ZC3H13: variants seen among roughly 807,000 people sequenced by gnomAD.
The protein encoded by ZC3H13 is zinc finger CCCH-type containing 13.
Under a neutral mutation model 204.1 loss-of-function variants are expected in ZC3H13, and 64 were observed. The observed-to-expected ratio is 0.31, with a 90% CI of 0.26 to 0.39. The LOEUF (loss-of-function observed/expected upper bound fraction) is 0.39, where lower values mean the gene tolerates loss of function less well. Ranked by LOEUF, ZC3H13 falls within the 10% of genes least tolerant of loss-of-function variation. The pLI, the probability that ZC3H13 is intolerant of heterozygous loss-of-function variation, is 1.00. For missense variants in ZC3H13, 1,833 were observed against 2,082.7 expected, an observed-to-expected ratio of 0.88 and a Z score of 2.33; for synonymous variants, 667 against 693.7, an observed-to-expected ratio of 0.96 and a Z score of 0.60.
Position 45,962,741 on chromosome 13 carries a change from T to C in ZC3H13, c.4675+1101A>G, listed in dbSNP as rs1278249345. Reference sequence around the variant, plus strand: ...TATTTTGTATTAGTGAAAAATTTAATACTAACTAAACTTTTATGTCCAGGG... The same window carrying C: ...TATTTTGTATTAGTGAAAAATTTAACACTAACTAAACTTTTATGTCCAGGG... On this transcript the variant is annotated intron_variant, in intron 17 of 18. Coordinates refer to ENST00000679008, the MANE Select transcript of ZC3H13 (RefSeq NM_001330564.2). 8 of 985,062 alleles carry C rather than the reference T, an allele frequency of 8.1e-6. No individual in the cohort carries two copies. The Admixed American group carries it at 4.9e-4, about 61-fold the overall frequency. 61.0% of individuals were successfully genotyped at this position (985,062 alleles called of 1,614,324 possible).
In ZC3H13 at chr13:45,970,536, A is replaced by C. The variant is rs1458513475; in HGVS notation, c.2469-71T>G. The C allele has an allele frequency of 2.5e-5, 33 of 1,295,702 alleles. No homozygotes were observed. In the East Asian group the frequency reaches 7.6e-4, roughly 30 times the overall value. 80.3% of individuals were successfully genotyped at this position (1,295,702 alleles called of 1,614,324 possible). On this transcript the variant is annotated intron_variant, in intron 12 of 18. Coordinates refer to ENST00000679008, the MANE Select transcript of ZC3H13 (RefSeq NM_001330564.2). Reference sequence around the variant, plus strand: ...AAAAAGAGATTTTTTTGTTTTTACTAGTATCTCTTTACTATAACTGGAACA... The same window carrying C: ...AAAAAGAGATTTTTTTGTTTTTACTCGTATCTCTTTACTATAACTGGAACA...
chr13:45,983,296 T>A (rs894079002), intron 10 of ZC3H13, among the ~76,000 whole-genome samples: 2 of 147,678 alleles, frequency 1.4e-5, no homozygotes, highest in African/African-American at 5.1e-5. Context: ...ACTTAATCCT[T>A]AACACAATAA....
chr13:46,032,383 A>G (rs1027798364), intron 4 of ZC3H13, among the ~76,000 whole-genome samples: 54 of 149,496 alleles, frequency 3.6e-4, no homozygotes, highest in Non-Finnish European at 5.2e-4. Flanking sequence ...AAAAAAACAG[A>G]GAAAATGGGC....
intron 6 of ZC3H13, 119 bp from the exon 7 acceptor site, chr13:46,010,624 A>G (rs1364434832): frequency 9.4e-6 from 10 of 1,064,128 alleles, no homozygotes; most frequent in African/African-American, 4.8e-5. Context: ...TGCCGGGTGC[A>G]GTGGTTCACA....
intron 8 of ZC3H13, among the ~76,000 whole-genome samples, chr13:45,997,076 C>CT (rs2040394977): frequency 6.6e-6 from 1 of 152,132 alleles, no homozygotes; most frequent in African/African-American, 2.4e-5. Flanking sequence ...TCTGAAAGCA[C>CT]AGTAATAAAT....
Position 45,985,776 on chromosome 13 carries a change from T to C in ZC3H13, c.1256-15A>G, listed in dbSNP as rs1287118166. ...GCCCCTAGTATCTGTAATGCAATTT[T>C]GGAAATTGACTGTAATTGCTTTTAC... On this transcript the variant is annotated splice_polypyrimidine_tract_variant and intron_variant, in intron 9 of 18. Coordinates refer to ENST00000679008, the MANE Select transcript of ZC3H13 (RefSeq NM_001330564.2). 6.4e-7 allele frequency: 1 copy of C among 1,570,424 alleles called. No individual in the cohort carries two copies. The highest frequency in any genetic ancestry group is 8.6e-7 in the Non-Finnish European group (1 of 1,162,602).
At chr13:46,045,601 A>G in intron 1 of ZC3H13, 85 bp from the exon 2 acceptor site, 1 of 893,766 alleles carries the variant, frequency 1.1e-6, no homozygotes, top group East Asian at 2.4e-5. Flanking sequence ...AGATAAAACT[A>G]TAGGTAACAG....
At chr13:45,991,998 A>G (rs940143788) in intron 8 of ZC3H13, among the ~76,000 whole-genome samples, 10 of 152,334 alleles carry the variant, frequency 6.6e-5, no homozygotes, top group Admixed American at 1.3e-4. Context: ...TAGTAACACC[A>G]ATGTTTCTTT....
At chr13:45,972,910 G>A (rs1952705751) in intron 12 of ZC3H13, among the ~76,000 whole-genome samples, 1 of 152,194 alleles carries the variant, frequency 6.6e-6, no homozygotes, top group South Asian at 2.1e-4. Context: ...GAAGGCCAGG[G>A]GGTCAAGTGG....
intron 16 of ZC3H13, among the ~76,000 whole-genome samples, chr13:45,965,018 A>T (rs1375905570): frequency 1.3e-5 from 2 of 152,198 alleles, no homozygotes; most frequent in African/African-American, 4.8e-5. Flanking sequence ...GTCATATAAT[A>T]TGATTCTTAA....
intron 5 of ZC3H13, among the ~76,000 whole-genome samples, chr13:46,014,541 T>A (rs1207543471): frequency 3.9e-5 from 6 of 152,240 alleles, no homozygotes; most frequent in Middle Eastern, 3.2e-3. Context: ...CTTTTTCCAA[T>A]GAGTTAGTAT....
intron 17 of ZC3H13, among the ~76,000 whole-genome samples, chr13:45,961,243 A>G (rs1383354686): frequency 2.0e-5 from 3 of 152,038 alleles, no homozygotes; most frequent in Non-Finnish European, 4.4e-5. Flanking sequence ...TCCACTACAG[A>G]TATAATATAA....
rs150295555 is a variant in ZC3H13, at chr13:46,019,380, C to A, written c.448+1069G>T. 3.4e-3 allele frequency among the ~76,000 whole-genome samples: 511 copies of A among 152,190 alleles called. 1 individual carries two copies. The highest frequency in any genetic ancestry group is 4.5e-3 in the Non-Finnish European group (306 of 68,008). On this transcript the variant is annotated intron_variant, in intron 5 of 18. Transcript: ENST00000679008. ...TTTTTTTGCAAAAACCAGTGACTGG[C>A]CCACACACTCTAGTTTTCTAATCCC...
intron 12 of ZC3H13, among the ~76,000 whole-genome samples, chr13:45,972,079 G>GA (rs1287640772): frequency 6.6e-6 from 1 of 151,790 alleles, no homozygotes; most frequent in African/African-American, 2.4e-5. Context: ...CAACCTCTAT[G>GA]AAAAACAGTA....
Position 45,956,422 on chromosome 13 carries a change from G to A in ZC3H13, c.*705C>T, listed in dbSNP as rs1020399352. 2.0e-5 allele frequency: 3 copies of A among 151,974 alleles called. No homozygotes were observed. The highest frequency in any genetic ancestry group is 6.6e-5 in the Admixed American group (1 of 15,234). 9.4% of individuals were successfully genotyped at this position (151,974 alleles called of 1,614,324 possible). On this transcript the variant is annotated 3_prime_UTR_variant, in exon 19 of 19. Transcript: ENST00000679008. Reference sequence around the variant, plus strand: ...CTAGATCATCAGGAATAAGATTAACGAAGAGCAAAGTAAATCTAAAACAAG... The same window carrying A: ...CTAGATCATCAGGAATAAGATTAACAAAGAGCAAAGTAAATCTAAAACAAG...
At chr13:46,051,036 T>C (rs954095515) in intron 1 of ZC3H13, among the ~76,000 whole-genome samples, 2 of 152,184 alleles carry the variant, frequency 1.3e-5, no homozygotes, top group African/African-American at 4.8e-5. Flanking sequence ...AAGACTATCA[T>C]CCACTGAAAA....
In ZC3H13 at chr13:45,957,055, C is replaced by T; in HGVS notation, c.*72G>A. ...CCTTTGTCACTAATGCTTGTCAAAC[C>T]AAAGAACTTTGCAAAAGAATATGCA... On this transcript the variant is annotated 3_prime_UTR_variant, in exon 19 of 19. Transcript: ENST00000679008. 3 of 1,260,418 alleles carry T rather than the reference C, an allele frequency of 2.4e-6. No homozygotes were observed. The highest frequency in any genetic ancestry group is 3.1e-6 in the Non-Finnish European group (3 of 982,342). The allele number at this position is 1,260,418 out of a possible 1,614,324, so 78.1% of individuals were successfully genotyped here. A position where few individuals can be genotyped will look rare whatever the true frequency, so the allele number is the denominator to read the frequency against.
intron 4 of ZC3H13, among the ~76,000 whole-genome samples, chr13:46,022,842 G>C (rs1450184296): frequency 1.3e-5 from 2 of 151,690 alleles, no homozygotes; most frequent in East Asian, 1.9e-4. Flanking sequence ...TTCACCACTT[G>C]TATAAAAACT....
intron 17 of ZC3H13, chr13:45,962,432 TG>T: frequency 1.0e-6 from 1 of 985,062 alleles, no homozygotes; most frequent in Non-Finnish European, 1.2e-6. Flanking sequence ...TCTTTAGAGG[TG>T]GGTAAGATTT....
Sources: allele counts gnomAD v4.1 joint callset (sites outside exome capture counted in the v4.1 genomes callset), GRCh38; gene constraint gnomAD v4.1.1; transcripts MANE v1.5; gene names NCBI Gene and HGNC (gene_info 2026-07-23, HGNC 2026-07-21).